The following PGRMC2 variants were observed in gnomAD, a reference collection of about 807,000 sequenced individuals.
PGRMC2 encodes the protein membrane-associated progesterone receptor component 2.
Under a neutral mutation model 19.3 loss-of-function variants are expected in PGRMC2, and 9 were observed. The ratio of observed to expected loss-of-function variants is 0.47; its 90% CI spans 0.28 to 0.81. PGRMC2 has a LOEUF of 0.81. Ranked by LOEUF, PGRMC2 falls within the 40% of genes least tolerant of loss-of-function variation. The probability of loss-of-function intolerance (pLI) is 0.11; values close to 1 mark genes in which losing one functional copy is unlikely to be tolerated. For synonymous variants in PGRMC2, 157 were observed against 124.6 expected (o/e 1.26, Z -1.73); for missense variants, 289 against 297.3 (o/e 0.97, Z 0.21).
At chr4:128,287,338 C>T in intron 1 of PGRMC2, 35 bp downstream of exon 1, 1 of 1,567,088 alleles carries the variant, frequency 6.4e-7, no homozygotes, top group Non-Finnish European at 8.7e-7. Context: ...GCTTCAGCTG[C>T]AGGGGGTCCT....
chr4:128,279,338 A>G (rs917537216), intron 1 of PGRMC2, among the ~76,000 whole-genome samples: 3 of 152,268 alleles, frequency 2.0e-5, no homozygotes, highest in Admixed American at 1.3e-4. Flanking sequence ...ATGTAAATTT[A>G]AACAAATATT....
At chr4:128,285,252 G>A (rs1427738397) in intron 1 of PGRMC2, among the ~76,000 whole-genome samples, 1 of 151,918 alleles carries the variant, frequency 6.6e-6, no homozygotes, top group East Asian at 1.9e-4. Context: ...TCCGCCTCCC[G>A]AGTAGCTGGG....
chr4:128,282,771 CTCTGCAAACACAGAGTTTCCAAT>C (rs1031562896), intron 1 of PGRMC2, among the ~76,000 whole-genome samples: 24 of 152,298 alleles, frequency 1.6e-4, no homozygotes, highest in African/African-American at 5.1e-4. Context: ...TATGATGCAA[CTCTGCAAACACAGAGTTTCCAAT>C]TCTGCAAACT....
intron 1 of PGRMC2, among the ~76,000 whole-genome samples, chr4:128,277,919 C>A (rs1179023447): frequency 6.6e-6 from 1 of 152,178 alleles, no homozygotes; most frequent in African/African-American, 2.4e-5. Context: ...AATTATTTTA[C>A]CTGCCTGAAG....
intron 1 of PGRMC2, chr4:128,272,883 C>T (rs909601037): frequency 1.8e-5 from 3 of 164,052 alleles, no homozygotes; most frequent in Non-Finnish European, 3.9e-5. Context: ...ATAATGTTTA[C>T]TGGTTGCTGT....
At chr4:128,275,697 T>C (rs1354939663) in intron 1 of PGRMC2, among the ~76,000 whole-genome samples, 2 of 152,218 alleles carry the variant, frequency 1.3e-5, no homozygotes, top group Non-Finnish European at 2.9e-5. Context: ...TAATTTTCTA[T>C]GCTCTTTCCT....
chr4:128,271,516 G>T, intron 2 of PGRMC2, 103 bp from the exon 3 acceptor site: 1 of 585,276 alleles, frequency 1.7e-6, no homozygotes, highest in South Asian at 2.5e-5. Flanking sequence ...TATAAAATAT[G>T]ATTATTAGAA....
rs1012535943 is a variant in PGRMC2 at position 128,287,752 on chromosome 4, C to T, written c.39G>A (p.Leu13=). ...AGDGDVKLGT[L]GSGSESSNDG... ...CGTTGCTGCTCTCGCTGCCACTCCC[C>T]AGGGTGCCTAGCTTCACGTCCCCAT... The change falls in exon 1 of 3, where the codon CTG becomes CTA. Residue 13 remains leucine (L), a synonymous_variant. Coordinates refer to ENST00000296425, the MANE Select transcript of PGRMC2 (RefSeq NM_006320.6). 6.8e-7 allele frequency: 1 copy of T among 1,479,932 alleles called. No individual in the cohort carries two copies. Among genetic ancestry groups the T allele is most frequent in the African/African-American group, 1.4e-5 (1 of 72,740 alleles). The allele number at this position is 1,479,932 out of a possible 1,614,324, so 91.7% of individuals were successfully genotyped here.
chr4:128,284,091 G>A (rs1051760652), intron 1 of PGRMC2, among the ~76,000 whole-genome samples: 1 of 151,176 alleles, frequency 6.6e-6, no homozygotes, highest in South Asian at 2.1e-4. Context: ...GATTACACGC[G>A]TGAGCCACCG....
At chr4:128,272,611 A>C in intron 1 of PGRMC2, 94 bp from the exon 2 acceptor site, 2 of 782,534 alleles carry the variant, frequency 2.6e-6, no homozygotes, top group Non-Finnish European at 3.6e-6. Context: ...AAACACAACA[A>C]AGAAAAAAAC....
chr4:128,281,017 C>A (rs1016317108), intron 1 of PGRMC2, among the ~76,000 whole-genome samples: 2 of 151,830 alleles, frequency 1.3e-5, no homozygotes, highest in African/African-American at 4.8e-5. Flanking sequence ...AAAAGTGAAC[C>A]CCAAAGAAAT....
At position 128,287,716 on chromosome 4, in the gene PGRMC2, G is replaced by A. The variant is rs763958614; in HGVS notation, c.75C>T (p.Ser25=). The A allele has an allele frequency of 3.3e-6, 5 of 1,501,546 alleles. No individual in the cohort carries two copies. The Admixed American group carries it at 7.8e-5, about 23-fold the overall frequency. The allele number at this position is 1,501,546 out of a possible 1,614,324, so 93.0% of individuals were successfully genotyped here. ...SGSESSNDGG[S]ESPGDAGAAA... ...CCGCTCCCGCGTCGCCTGGACTCTC[G>A]CTGCCGCCGTCGTTGCTGCTCTCGC... Residue 25 remains serine (S), a synonymous_variant, in exon 1 of 3, where the codon AGC becomes AGT. Coordinates refer to ENST00000296425, the MANE Select transcript of PGRMC2 (RefSeq NM_006320.6).
At chr4:128,280,166 A>G (rs1760885942) in intron 1 of PGRMC2, among the ~76,000 whole-genome samples, 1 of 152,078 alleles carries the variant, frequency 6.6e-6, no homozygotes, top group African/African-American at 2.4e-5. Flanking sequence ...GAGTGGGCAC[A>G]TATAACAGAT....
At chr4:128,276,315 CATGGT>C (rs1319693262) in intron 1 of PGRMC2, among the ~76,000 whole-genome samples, 1 of 151,926 alleles carries the variant, frequency 6.6e-6, no homozygotes, top group Non-Finnish European at 1.5e-5. Flanking sequence ...AAGTCTGTTG[CATGGT>C]ATAATTTATT....
chr4:128,285,348 C>T (rs538516716), intron 1 of PGRMC2, among the ~76,000 whole-genome samples: 3 of 152,236 alleles, frequency 2.0e-5, no homozygotes, highest in East Asian at 1.9e-4. Flanking sequence ...AGGCTGGTTT[C>T]GAACTCCTGA....
In PGRMC2 at chr4:128,287,124, T is replaced by G. The variant is rs1038028446; in HGVS notation, c.418+249A>C. On this transcript the variant is annotated intron_variant, in intron 1 of 2. Transcript: ENST00000296425. ...AATGGGATGGAAGAAAGATGAATGC[T>G]GAGAGCTGGTCTCTGGGGCGCCACC... Among the ~76,000 whole-genome samples the G allele has an allele frequency of 6.0e-5, 9 of 151,022 alleles. No individual in the cohort carries two copies. In the South Asian group the frequency reaches 1.9e-3, roughly 32 times the overall value.
Position 128,272,354 on chromosome 4 carries a change from A to G in PGRMC2, c.574+8T>C. 1 of 1,450,858 alleles carries G rather than the reference A, an allele frequency of 6.9e-7. No homozygotes were observed. The highest frequency in any genetic ancestry group is 9.1e-7 in the Non-Finnish European group (1 of 1,095,516). The allele number at this position is 1,450,858 out of a possible 1,614,324, so 89.9% of individuals were successfully genotyped here. ...AATTTTCCAAAGAATCCAACAAAAT[A>G]AAAATACCTTTAAACTGCATTTCCC... On this transcript the variant is annotated splice_region_variant and intron_variant, in intron 2 of 2. Coordinates refer to ENST00000296425, the MANE Select transcript of PGRMC2 (RefSeq NM_006320.6).
chr4:128,282,180 A>C (rs1434315490), intron 1 of PGRMC2, among the ~76,000 whole-genome samples: 6 of 152,230 alleles, frequency 3.9e-5, no homozygotes, highest in Middle Eastern at 6.8e-3. Context: ...CTCATCTCTT[A>C]AGCTTTTACT....
rs142990038 is a variant in PGRMC2, at chr4:128,276,475, C to T, written c.419-3958G>A. 5.5e-3 allele frequency among the ~76,000 whole-genome samples: 835 copies of T among 152,142 alleles called. 8 individuals carry two copies. Among genetic ancestry groups the T allele is most frequent in the African/African-American group, 0.019 (783 of 41,496 alleles). On this transcript the variant is annotated intron_variant, in intron 1 of 2. Transcript: ENST00000296425. ...GCTGGGATTATTGGGTGTGGCACCA[C>T]GCCCAGCTAATTTTTATATTTTTGG...
Sources: gnomAD v4.1 joint callset for allele counts (sites outside exome capture counted in the v4.1 genomes callset) on GRCh38, gnomAD v4.1.1 for gene constraint, MANE v1.5 for transcripts, NCBI Gene and HGNC (gene_info 2026-07-23, HGNC 2026-07-21) for gene names.